The following NHERF1 variants were observed in gnomAD, a reference collection of about 807,000 sequenced individuals.
NHERF1 encodes Na(+)/H(+) exchange regulatory cofactor NHE-RF1.
chr17:74,748,861 A>G, the NHERF1 span: 9 of 1,593,930 alleles, frequency 5.6e-6, no homozygotes, highest in South Asian at 8.8e-5. The surrounding 1 kb of genome is among the most constrained non-coding windows in gnomAD (Gnocchi z 4.3). Context: ...GCGCGGACGC[A>G]GCGGCCGGGG....
the NHERF1 span, chr17:74,748,665 T>A: frequency 1.7e-6 from 1 of 591,100 alleles, no homozygotes; most frequent in Non-Finnish European, 3.0e-6. The surrounding 1 kb of genome is among the most constrained non-coding windows in gnomAD (Gnocchi z 4.3). Flanking sequence ...TGTGGTCCTC[T>A]CTCGGCTCCT....
the NHERF1 span, chr17:74,761,975 C>G: frequency 6.2e-7 from 1 of 1,611,238 alleles, no homozygotes; most frequent in Non-Finnish European, 8.5e-7. The surrounding 1 kb of genome is among the most constrained non-coding windows in gnomAD (Gnocchi z 4.3). Context: ...ACCTGGGGCA[C>G]TGTGGAATAG....
At chr17:74,751,446 C>A in the NHERF1 span, among the ~76,000 whole-genome samples, 1 of 152,244 alleles carries the variant, frequency 6.6e-6, no homozygotes, top group African/African-American at 2.4e-5. This position sits in a 1 kb window ranked among gnomAD's most constrained non-coding sequence, Gnocchi z 4.3. Flanking sequence ...CATTAGCCCT[C>A]CACTTACTAA....
chr17:74,756,426 G>A, the NHERF1 span, among the ~76,000 whole-genome samples: 1 of 151,632 alleles, frequency 6.6e-6, no homozygotes, highest in Non-Finnish European at 1.5e-5. Context: ...CCACAGGTGT[G>A]CACCACCACA....
chr17:74,758,345 G>A, the NHERF1 span, among the ~76,000 whole-genome samples: 3 of 152,306 alleles, frequency 2.0e-5, no homozygotes, highest in South Asian at 4.1e-4. This position sits in a 1 kb window ranked among gnomAD's most constrained non-coding sequence, Gnocchi z 4.3. Context: ...AGGAGGCCCC[G>A]GGAGAAGGGT....
the NHERF1 span, among the ~76,000 whole-genome samples, chr17:74,757,435 G>T: frequency 3.9e-5 from 6 of 152,216 alleles, no homozygotes; most frequent in South Asian, 4.1e-4. Context: ...AGAGTAAAAT[G>T]AGGTGACATC....
chr17:74,766,939 C>T, the NHERF1 span: 1 of 1,614,086 alleles, frequency 6.2e-7, no homozygotes, highest in Non-Finnish European at 8.5e-7. Context: ...TGCCTAGGTC[C>T]CCTGCCTGTG....
the NHERF1 span, among the ~76,000 whole-genome samples, chr17:74,751,009 C>G: frequency 9.1e-4 from 138 of 152,278 alleles, 1 homozygote; most frequent in African/African-American, 3.1e-3. The surrounding 1 kb of genome is among the most constrained non-coding windows in gnomAD (Gnocchi z 4.3). Context: ...GAGCCACCAG[C>G]AAATCCTGGG....
At chr17:74,759,435 C>T in the NHERF1 span, among the ~76,000 whole-genome samples, 1 of 152,214 alleles carries the variant, frequency 6.6e-6, no homozygotes, top group African/African-American at 2.4e-5. Flanking sequence ...AAGCCCACAG[C>T]ACAGAGACCA....
At chr17:74,751,184 G>A in the NHERF1 span, among the ~76,000 whole-genome samples, 3 of 152,264 alleles carry the variant, frequency 2.0e-5, no homozygotes, top group East Asian at 3.9e-4. This position sits in a 1 kb window ranked among gnomAD's most constrained non-coding sequence, Gnocchi z 4.3. Flanking sequence ...CATGCCTGGC[G>A]TTTGAATCCC....
chr17:74,749,128 G>C, the NHERF1 span: 1 of 1,569,694 alleles, frequency 6.4e-7, no homozygotes, highest in East Asian at 2.3e-5. This position sits in a 1 kb window ranked among gnomAD's most constrained non-coding sequence, Gnocchi z 5.6. Context: ...TCGACCCCGA[G>C]ACGGACGAGC....
chr17:74,753,734 CAGG>C, the NHERF1 span, among the ~76,000 whole-genome samples: 1 of 146,226 alleles, frequency 6.8e-6, no homozygotes, highest in African/African-American at 2.6e-5. Context: ...ACCAAAAAAA[CAGG>C]GGGAGGGGGG....
chr17:74,755,293 C>T, the NHERF1 span, among the ~76,000 whole-genome samples: 1 of 152,184 alleles, frequency 6.6e-6, no homozygotes, highest in Non-Finnish European at 1.5e-5. Context: ...AAGTGGCAGG[C>T]TCCTGTCCCC....
chr17:74,750,630 G>T, the NHERF1 span, among the ~76,000 whole-genome samples: 4 of 152,166 alleles, frequency 2.6e-5, no homozygotes, highest in Admixed American at 1.3e-4. Context: ...GAGCAAGGAG[G>T]TTGATGCCAG....
the NHERF1 span, among the ~76,000 whole-genome samples, chr17:74,764,774 G>C: frequency 6.6e-6 from 1 of 152,186 alleles, no homozygotes; most frequent in Non-Finnish European, 1.5e-5. The surrounding 1 kb of genome is among the most constrained non-coding windows in gnomAD (Gnocchi z 4.9). Flanking sequence ...AGTCCCTCCA[G>C]GATGGCATCC....
At chr17:74,763,461 G>C in the NHERF1 span, 3 of 1,613,366 alleles carry the variant, frequency 1.9e-6, no homozygotes, top group Non-Finnish European at 2.5e-6. Flanking sequence ...GTGGTGGACA[G>C]GGAAACTGAC....
the NHERF1 span, among the ~76,000 whole-genome samples, chr17:74,760,753 C>T: frequency 6.6e-6 from 1 of 152,208 alleles, no homozygotes; most frequent in African/African-American, 2.4e-5. The surrounding 1 kb of genome is among the most constrained non-coding windows in gnomAD (Gnocchi z 4.5). Flanking sequence ...GGATTTTTTA[C>T]AGTTAGAAAG....
At chr17:74,767,089 TC>T in the NHERF1 span, 1 of 931,382 alleles carries the variant, frequency 1.1e-6, no homozygotes, top group South Asian at 1.3e-5. Flanking sequence ...AACCCCAGGG[TC>T]CCCAGTTCCA....
At chr17:74,749,418 C>T in the NHERF1 span, 15 of 884,458 alleles carry the variant, frequency 1.7e-5, no homozygotes, top group African/African-American at 1.9e-4. The surrounding 1 kb of genome is among the most constrained non-coding windows in gnomAD (Gnocchi z 5.6). Flanking sequence ...GGGGAGACCG[C>T]TTCCGCCCGC....
Sources: allele counts gnomAD v4.1 joint callset (sites outside exome capture counted in the v4.1 genomes callset), GRCh38; gene constraint gnomAD v4.1.1; non-coding constraint Gnocchi (gnomAD v3.1); transcripts MANE v1.5; gene names NCBI Gene and HGNC (gene_info 2026-07-23, HGNC 2026-07-21).